Variants in HLCS observed in about 807,000 individuals in gnomAD.
The protein encoded by HLCS is biotin--protein ligase.
In HLCS, 53 loss-of-function variants were observed where a neutral mutation model predicts 75.0. The ratio of observed to expected loss-of-function variants is 0.71; its 90% confidence interval spans 0.57 to 0.89. The LOEUF is 0.89. HLCS is among the 40% of genes least tolerant of loss of function. HLCS has a pLI of 0.00. For missense variants in HLCS, 966 were observed against 1,074.0 expected, an observed-to-expected ratio of 0.90 and a Z score of 1.41; for synonymous variants, 431 against 428.6, an observed-to-expected ratio of 1.01 and a Z score of -0.07.
intron 6 of HLCS, among the ~76,000 whole-genome samples, chr21:36,877,409 T>A (rs539288305): frequency 4.8e-4 from 73 of 152,158 alleles, no homozygotes; most frequent in Non-Finnish European, 8.8e-4. Flanking sequence ...TTTTGCCTTA[T>A]GTGTTTAGTG....
In HLCS at chr21:36,842,502, G is replaced by C. The variant is rs1273078723; in HGVS notation, c.1892+54358C>G. Among the ~76,000 whole-genome samples, 1 of 152,212 alleles carries C rather than the reference G, an allele frequency of 6.6e-6. No homozygotes were observed. Among genetic ancestry groups the C allele is most frequent in the Non-Finnish European group, 1.5e-5 (1 of 68,038 alleles). On this transcript the variant is annotated intron_variant, in intron 6 of 10. Transcript: ENST00000674895. The surrounding 1 kb of genome is among the most constrained non-coding windows in gnomAD (Gnocchi z 4.2). ...TCCCTATAATCCCAGCACTTCGGGA[G>C]GCCAAGGTGGGCAGATCACATGAGG...
chr21:36,754,213 G>T lies in HLCS; in HGVS notation c.*33C>A. The T allele has an allele frequency of 6.2e-7, 1 of 1,609,832 alleles. No homozygotes were observed. The highest frequency in any genetic ancestry group is 1.7e-5 in the Admixed American group (1 of 59,936). On this transcript the variant is annotated 3_prime_UTR_variant, in exon 11 of 11. Transcript: ENST00000674895. ...ATTAGATTTCCAGATGCATGGGCAC[G>T]GACAGGCAGCCGCGTCTCGGGGACG...
rs1245866262 is a variant in HLCS, at chr21:36,897,092, C to T, written c.1660G>A (p.Val554Met). 1 of 1,613,994 alleles carries T rather than the reference C, an allele frequency of 6.2e-7. No homozygotes were observed. The highest frequency in any genetic ancestry group is 8.5e-7 in the Non-Finnish European group (1 of 1,180,012). The change falls in exon 6 of 11, where the codon GTG becomes ATG. Residue 554 changes from valine to methionine, a missense_variant. Transcript: ENST00000674895. ...DPLMQWLGKH[V>M]DSEGEIKSGQ... The stretch of plus-strand genomic sequence containing the variant: ...GATTTTATTTCTCCCTCGGAGTCCA[C>T]ATGTTTCCCAAGCCACTGCATAAGA...
At chr21:36,759,153 T>C (rs973226373) in intron 9 of HLCS, 4 of 471,044 alleles carry the variant, frequency 8.5e-6, no homozygotes, top group African/African-American at 8.0e-5. Context: ...GAACACAGAT[T>C]AGGTTCTACT....
At chr21:36,768,261 G>T (rs995601393) in intron 6 of HLCS, among the ~76,000 whole-genome samples, 1 of 152,160 alleles carries the variant, frequency 6.6e-6, no homozygotes, top group African/African-American at 2.4e-5. Flanking sequence ...CCAGGACAGG[G>T]ATGCGGAAGG....
chr21:36,912,619 G>C (rs1163179871), intron 5 of HLCS, among the ~76,000 whole-genome samples: 1 of 152,098 alleles, frequency 6.6e-6, no homozygotes, highest in African/African-American at 2.4e-5. Context: ...CACTGAATCG[G>C]AGACTTAAAG....
intron 6 of HLCS, among the ~76,000 whole-genome samples, chr21:36,803,360 A>T (rs1207457597): frequency 6.6e-6 from 1 of 152,246 alleles, no homozygotes; most frequent in African/African-American, 2.4e-5. Flanking sequence ...TTCAGCATGG[A>T]ATAGACTTCC....
chr21:36,877,581 T>C (rs906067499), intron 6 of HLCS, among the ~76,000 whole-genome samples: 3 of 152,200 alleles, frequency 2.0e-5, no homozygotes, highest in African/African-American at 7.2e-5. Context: ...ATTCTACCAA[T>C]GAATGTAAGA....
intron 5 of HLCS, among the ~76,000 whole-genome samples, chr21:36,913,209 A>C (rs146589088): frequency 1.5e-3 from 228 of 152,266 alleles, no homozygotes; most frequent in African/African-American, 5.3e-3. Context: ...GAACCCATGA[A>C]ACCAAATCTG....
upstream of HLCS, among the ~76,000 whole-genome samples, chr21:36,967,902 T>C (rs1289289094): frequency 2.0e-5 from 3 of 152,140 alleles, no homozygotes; most frequent in Non-Finnish European, 2.9e-5. Flanking sequence ...GTATTTTTAG[T>C]AGAGACAGGG....
At chr21:36,856,985 C>T (rs1329044483) in intron 6 of HLCS, among the ~76,000 whole-genome samples, 1 of 152,196 alleles carries the variant, frequency 6.6e-6, no homozygotes, top group East Asian at 1.9e-4. Flanking sequence ...TTTGCATGGT[C>T]CCACATTAAC....
chr21:36,866,774 T>A (rs1371690662), intron 6 of HLCS, among the ~76,000 whole-genome samples: 1 of 152,106 alleles, frequency 6.6e-6, no homozygotes, highest in Admixed American at 6.5e-5. Context: ...CTAAATTGGG[T>A]AACTAAGTAG....
At chr21:36,760,439 T>C (rs1377203336) in intron 8 of HLCS, among the ~76,000 whole-genome samples, 1 of 151,900 alleles carries the variant, frequency 6.6e-6, no homozygotes, top group Non-Finnish European at 1.5e-5. Flanking sequence ...TGAAACCCCA[T>C]CTCTGCTAAA....
At chr21:36,892,909 C>T (rs1033067547) in intron 6 of HLCS, among the ~76,000 whole-genome samples, 16 of 152,178 alleles carry the variant, frequency 1.1e-4, no homozygotes, top group Middle Eastern at 3.4e-3. Flanking sequence ...TTGAGAGAAC[C>T]CAGTCCATAG....
chr21:36,754,796 A>G (rs897530280), intron 10 of HLCS, among the ~76,000 whole-genome samples: 1 of 152,180 alleles, frequency 6.6e-6, no homozygotes, highest in South Asian at 2.1e-4. Context: ...GTTGGCAAAC[A>G]ATGTTTTATC....
intron 5 of HLCS, among the ~76,000 whole-genome samples, chr21:36,910,501 G>A (rs746143735): frequency 3.0e-4 from 46 of 151,708 alleles, no homozygotes; most frequent in Non-Finnish European, 5.7e-4. Context: ...AGCAGAGATC[G>A]CGCCACTGCA....
In HLCS at chr21:36,767,290, C is replaced by T. The variant is rs1271807399; in HGVS notation, c.1893-5G>A. The T allele has an allele frequency of 1.2e-5, 19 of 1,613,944 alleles. No individual in the cohort carries two copies. Among genetic ancestry groups the T allele is most frequent in the South Asian group, 4.4e-5 (4 of 91,074 alleles). On this transcript the variant is annotated splice_polypyrimidine_tract_variant and splice_region_variant and intron_variant, in intron 6 of 10. Coordinates refer to ENST00000674895, the MANE Select transcript of HLCS (RefSeq NM_001352514.2). ...TGCGGTGTCTGAAACATCAGCCTGC[C>T]GAAGAGGGGGAAAGACCGGTTAGGC...
chr21:36,941,737 T>C (rs964637607), intron 2 of HLCS, among the ~76,000 whole-genome samples: 3 of 152,060 alleles, frequency 2.0e-5, no homozygotes, highest in African/African-American at 7.2e-5. Flanking sequence ...GGGCGCGGTG[T>C]CTCACGCCTG....
At chr21:36,837,432 A>G (rs929314254) in intron 6 of HLCS, among the ~76,000 whole-genome samples, 5 of 152,208 alleles carry the variant, frequency 3.3e-5, no homozygotes, top group Admixed American at 1.3e-4. Flanking sequence ...AAAATACAGC[A>G]CACAAAAAAC....
Sources: gnomAD v4.1 joint callset for allele counts (sites outside exome capture counted in the v4.1 genomes callset) on GRCh38, gnomAD v4.1.1 for gene constraint, Gnocchi (gnomAD v3.1) non-coding constraint, MANE v1.5 for transcripts, NCBI Gene and HGNC (gene_info 2026-07-23, HGNC 2026-07-21) for gene names.